The following EPB41L4A variants were observed in gnomAD, a reference collection of about 807,000 sequenced individuals.
EPB41L4A encodes the protein band 4.1-like protein 4A.
EPB41L4A carries 100 observed loss-of-function variants against 108.6 expected under a neutral mutation model. The ratio of observed to expected loss-of-function variants is 0.92; its 90% CI spans 0.78 to 1.09. The LOEUF is 1.09. EPB41L4A is among the 50% of genes least tolerant of loss of function. The pLI, the probability that EPB41L4A is intolerant of heterozygous loss-of-function variation, is 0.00. For synonymous variants in EPB41L4A, 319 were observed against 289.0 expected (o/e 1.10, Z -1.05); for missense variants, 1,030 against 842.7 (o/e 1.22, Z -2.75).
chr5:112,190,380 C>T (rs907795331), intron 17 of EPB41L4A, among the ~76,000 whole-genome samples: 5 of 152,208 alleles, frequency 3.3e-5, no homozygotes, highest in African/African-American at 4.8e-5. Flanking sequence ...TAGAAAACTA[C>T]GCACTTGACG....
chr5:112,146,805 G>C (rs1759277256), intron 12 of EPB41L4A, among the ~76,000 whole-genome samples: 1 of 152,158 alleles, frequency 6.6e-6, no homozygotes, highest in African/African-American at 2.4e-5. Context: ...TTAGAACATA[G>C]AGTCTGCAGT....
chr5:112,203,139 G>A (rs1762296290), intron 15 of EPB41L4A, among the ~76,000 whole-genome samples: 1 of 152,190 alleles, frequency 6.6e-6, no homozygotes. Context: ...GGCTGAGGCA[G>A]AGGGATCACG....
At chr5:112,194,496 A>T (rs1207275593) in intron 17 of EPB41L4A, 72 bp downstream of exon 17, 1 of 837,476 alleles carries the variant, frequency 1.2e-6, no homozygotes, top group Non-Finnish European at 1.9e-6. Flanking sequence ...CTTACAAAGG[A>T]CACTCAGTTT....
intron 1 of EPB41L4A, among the ~76,000 whole-genome samples, chr5:112,327,725 A>T (rs59609801): frequency 6.6e-6 from 1 of 152,302 alleles, no homozygotes; most frequent in East Asian, 1.9e-4. Context: ...CTCAAAAAAA[A>T]AAGAAAAGAA....
chr5:112,297,425 A>ATT (rs1273452580), intron 2 of EPB41L4A, among the ~76,000 whole-genome samples: 1 of 152,006 alleles, frequency 6.6e-6, no homozygotes, highest in Non-Finnish European at 1.5e-5. Context: ...ATTTGTTACC[A>ATT]TTTGTATATC....
At chr5:112,246,087 G>A (rs1750192961) in intron 9 of EPB41L4A, among the ~76,000 whole-genome samples, 2 of 152,214 alleles carry the variant, frequency 1.3e-5, no homozygotes, top group African/African-American at 4.8e-5. Context: ...AGCTGGGAAA[G>A]GGGACACACA....
At chr5:112,413,830 G>C (rs1762549380) in intron 1 of EPB41L4A, among the ~76,000 whole-genome samples, 1 of 152,190 alleles carries the variant, frequency 6.6e-6, no homozygotes, top group South Asian at 2.1e-4. Flanking sequence ...CATACCTAGA[G>C]GGCAAGTCAC....
chr5:112,413,760 A>T (rs1337690899), intron 1 of EPB41L4A, among the ~76,000 whole-genome samples: 1 of 152,234 alleles, frequency 6.6e-6, no homozygotes, highest in Non-Finnish European at 1.5e-5. Flanking sequence ...ATCAGCAGGA[A>T]TCTCATGCAT....
intron 15 of EPB41L4A, among the ~76,000 whole-genome samples, chr5:112,199,728 C>CA (rs1762130829): frequency 6.6e-6 from 1 of 152,118 alleles, no homozygotes; most frequent in African/African-American, 2.4e-5. Flanking sequence ...ACATCGAATT[C>CA]AAAAAACTGA....
chr5:112,195,598 G>C (rs1761927088), intron 16 of EPB41L4A, 63 bp downstream of exon 16: 1 of 1,388,296 alleles, frequency 7.2e-7, no homozygotes, highest in Non-Finnish European at 1.0e-6. Flanking sequence ...CCTTAACTCT[G>C]AGCATTTCTA....
chr5:112,164,780 G>A lies in EPB41L4A; in HGVS notation c.*210C>T, dbSNP rs1283750718. Reference sequence around the variant, plus strand: ...ACCCAGTAAGTGGAGGCTGCGGTGAGCTGACACGGTGCCGCTGCACTCCAG... The same window carrying A: ...ACCCAGTAAGTGGAGGCTGCGGTGAACTGACACGGTGCCGCTGCACTCCAG... On this transcript the variant is annotated 3_prime_UTR_variant, in exon 23 of 23. Coordinates refer to ENST00000261486, the MANE Select transcript of EPB41L4A (RefSeq NM_022140.5). The A allele has an allele frequency of 1.3e-5, 5 of 388,388 alleles. No homozygotes were observed. The highest frequency in any genetic ancestry group is 1.8e-5 in the Non-Finnish European group (4 of 224,492). 24.1% of individuals were successfully genotyped at this position (388,388 alleles called of 1,614,324 possible).
chr5:112,265,053 G>A, intron 5 of EPB41L4A, 37 bp from the exon 6 acceptor site: 1 of 1,508,324 alleles, frequency 6.6e-7, no homozygotes, highest in South Asian at 1.3e-5. Context: ...TTCCATTTTA[G>A]GAAAATAGTC....
At chr5:112,406,210 T>A (rs540781849) in intron 1 of EPB41L4A, among the ~76,000 whole-genome samples, 1 of 152,316 alleles carries the variant, frequency 6.6e-6, no homozygotes, top group Admixed American at 6.5e-5. Context: ...AAAAGATCTA[T>A]TAGCCTCCTA....
chr5:112,393,558 G>A lies in EPB41L4A; in HGVS notation c.99+25383C>T, dbSNP rs186767634. Among the ~76,000 whole-genome samples the A allele has an allele frequency of 6.2e-4, 95 of 152,240 alleles. 1 individual carries two copies. The East Asian group carries it at 0.012, about 19-fold the overall frequency. On this transcript the variant is annotated intron_variant, in intron 1 of 22. Transcript: ENST00000261486. ...GAAACCAGGAAGAAGTTGAATCCCT[G>A]AATAGACCAATAACAGGCTCTGAAA...
chr5:112,343,067 A>G (rs908808713), intron 1 of EPB41L4A, among the ~76,000 whole-genome samples: 1 of 152,224 alleles, frequency 6.6e-6, no homozygotes, highest in Non-Finnish European at 1.5e-5. Context: ...CAAAGCACAA[A>G]TAAGAATTTG....
intron 3 of EPB41L4A, among the ~76,000 whole-genome samples, chr5:112,277,672 T>C (rs1455864073): frequency 6.6e-6 from 1 of 152,176 alleles, no homozygotes; most frequent in African/African-American, 2.4e-5. Context: ...TCTATACAGC[T>C]TCTCAGGGAA....
chr5:112,204,546 C>A, intron 14 of EPB41L4A, 58 bp from the exon 15 acceptor site: 1 of 1,136,626 alleles, frequency 8.8e-7, no homozygotes, highest in Non-Finnish European at 1.3e-6. Context: ...GGAAAACACA[C>A]CGCAGCCCAG....
At chr5:112,416,939 T>C (rs914657928) in intron 1 of EPB41L4A, among the ~76,000 whole-genome samples, 1 of 152,242 alleles carries the variant, frequency 6.6e-6, no homozygotes, top group Non-Finnish European at 1.5e-5. Context: ...GCATAGAAGA[T>C]AATGTGATTA....
chr5:112,204,420 G>T lies in EPB41L4A; in HGVS notation c.1331C>A (p.Pro444His). ...PKFPYTRRRN[P>H]SCGSDNDSVQ... ...AGAATCATTGTCACTTCCACAGGAG[G>T]GGTTTCGGCGACGCGTGTAAGGGAA... The change falls in exon 15 of 23, where the codon CCC (proline) becomes CAC (histidine). Residue 444 changes from proline to histidine, a missense_variant. Coordinates refer to ENST00000261486, the MANE Select transcript of EPB41L4A (RefSeq NM_022140.5). 1 of 1,613,990 alleles carries T rather than the reference G, an allele frequency of 6.2e-7. No homozygotes were observed. The highest frequency in any genetic ancestry group is 8.5e-7 in the Non-Finnish European group (1 of 1,179,898).
Sources: gnomAD v4.1 joint callset for allele counts (sites outside exome capture counted in the v4.1 genomes callset) on GRCh38, gnomAD v4.1.1 for gene constraint, MANE v1.5 for transcripts, NCBI Gene and HGNC (gene_info 2026-07-23, HGNC 2026-07-21) for gene names.